The following ASIC2 variants were observed in gnomAD, a reference collection of about 807,000 sequenced individuals.
ASIC2 encodes the protein acid sensing ion channel subunit 2, also known as acid-sensing ion channel 2.
A neutral mutation model predicts 57.3 loss-of-function variants in ASIC2; 25 were observed. That is an observed-to-expected ratio of 0.44 (90% CI 0.32 to 0.61). The LOEUF is 0.61. Ranked by LOEUF, ASIC2 falls within the 20% of genes least tolerant of loss-of-function variation. The pLI is 0.06. For missense variants in ASIC2, 641 were observed against 738.1 expected, an observed-to-expected ratio of 0.87 and a Z score of 1.52; for synonymous variants, 319 against 307.5, an observed-to-expected ratio of 1.04 and a Z score of -0.39.
intron 9 of ASIC2, 84 bp downstream of exon 9, chr17:33,015,887 C>T: frequency 1.4e-6 from 2 of 1,470,446 alleles, no homozygotes; most frequent in South Asian, 1.2e-5. Flanking sequence ...TCACATCTTT[C>T]CTGCCCGGCC....
chr17:33,762,657 G>A (rs143515252), intron 1 of ASIC2, among the ~76,000 whole-genome samples: 13 of 152,328 alleles, frequency 8.5e-5, no homozygotes, highest in African/African-American at 1.2e-4. Flanking sequence ...GGCCATAGCC[G>A]TTGCACAGCA....
intron 1 of ASIC2, among the ~76,000 whole-genome samples, chr17:33,467,645 C>T (rs553385361): frequency 6.6e-6 from 1 of 152,274 alleles, no homozygotes; most frequent in East Asian, 1.9e-4. Flanking sequence ...CTCCACAACC[C>T]CTTATCTTAA....
intron 1 of ASIC2, among the ~76,000 whole-genome samples, chr17:33,260,343 G>C (rs564661830): frequency 6.6e-6 from 1 of 152,300 alleles, no homozygotes; most frequent in African/African-American, 2.4e-5. Context: ...ATGGCAACCA[G>C]ACGCATGCAG....
At position 33,976,149 on chromosome 17, in the gene ASIC2, G is replaced by GATC. The variant is rs572300509; in HGVS notation, c.555+179826_555+179828dup. 1.4e-3 allele frequency among the ~76,000 whole-genome samples: 206 copies of GATC among 148,592 alleles called. 1 individual carries two copies. The highest frequency in any genetic ancestry group is 3.8e-3 in the African/African-American group (155 of 40,338). On this transcript the variant is annotated intron_variant, in intron 1 of 9. Transcript: ENST00000359872. ...AATACCCCATTTACAGATGATCTTG[G>GATC]ATCATTTACAGATCCAAGATCATCT...
chr17:33,378,264 C>T (rs1004017734), intron 1 of ASIC2, among the ~76,000 whole-genome samples: 3 of 152,234 alleles, frequency 2.0e-5, no homozygotes, highest in African/African-American at 2.4e-5. Flanking sequence ...TCCTTCACTG[C>T]CTTCTCTGCT....
intron 3 of ASIC2, among the ~76,000 whole-genome samples, chr17:33,075,579 T>C (rs1367958666): frequency 6.6e-6 from 1 of 152,190 alleles, no homozygotes; most frequent in African/African-American, 2.4e-5. Flanking sequence ...GCTGTTTTGA[T>C]GCTTGACATC....
chr17:33,472,958 A>C (rs1250555137), intron 1 of ASIC2, among the ~76,000 whole-genome samples: 2 of 152,202 alleles, frequency 1.3e-5, no homozygotes, highest in African/African-American at 4.8e-5. Context: ...AAATGAGCTC[A>C]GTTTTCTCAG....
At chr17:33,366,337 G>A (rs750531528) in intron 1 of ASIC2, among the ~76,000 whole-genome samples, 26 of 152,116 alleles carry the variant, frequency 1.7e-4, no homozygotes, top group African/African-American at 5.6e-4. Context: ...CTTTCTCTCC[G>A]GTCTCATCTC....
chr17:33,951,531 GT>G (rs1372691337), intron 1 of ASIC2, among the ~76,000 whole-genome samples: 2 of 151,854 alleles, frequency 1.3e-5, no homozygotes, highest in African/African-American at 4.8e-5. Context: ...GACACTGTGG[GT>G]GCCTATACGC....
chr17:33,964,493 A>G (rs1905021612), intron 1 of ASIC2, among the ~76,000 whole-genome samples: 1 of 152,250 alleles, frequency 6.6e-6, no homozygotes, highest in Admixed American at 6.5e-5. Flanking sequence ...GGAAATAACC[A>G]AAAGCTTCAT....
At chr17:34,043,742 G>A (rs1908225266) in intron 1 of ASIC2, among the ~76,000 whole-genome samples, 1 of 152,126 alleles carries the variant, frequency 6.6e-6, no homozygotes, top group East Asian at 1.9e-4. Flanking sequence ...TCTTTTCATA[G>A]AGGGGAAAAC....
chr17:34,153,678 T>C (rs1174518895), intron 1 of ASIC2, among the ~76,000 whole-genome samples: 1 of 152,196 alleles, frequency 6.6e-6, no homozygotes, highest in Non-Finnish European at 1.5e-5. Context: ...CTTTTTCTGA[T>C]ACTCCCTGAA....
chr17:33,255,281 C>T (rs547559198), intron 1 of ASIC2, among the ~76,000 whole-genome samples: 36 of 152,024 alleles, frequency 2.4e-4, no homozygotes, highest in African/African-American at 8.7e-4. Context: ...CTCAAATGAT[C>T]CACTCACCTC....
intron 1 of ASIC2, among the ~76,000 whole-genome samples, chr17:33,384,533 T>A (rs575663293): frequency 5.9e-5 from 9 of 152,296 alleles, no homozygotes; most frequent in Non-Finnish European, 1.0e-4. Flanking sequence ...AAGTTATGTC[T>A]GTTTACCTGT....
chr17:34,066,866 G>A (rs1461582028), intron 1 of ASIC2, among the ~76,000 whole-genome samples: 1 of 152,154 alleles, frequency 6.6e-6, no homozygotes, highest in East Asian at 1.9e-4. Flanking sequence ...GACCACCCAG[G>A]AAACAACACA....
At chr17:33,988,809 A>G (rs1397751324) in intron 1 of ASIC2, among the ~76,000 whole-genome samples, 1 of 151,906 alleles carries the variant, frequency 6.6e-6, no homozygotes, top group Non-Finnish European at 1.5e-5. Context: ...TTATCCCCCT[A>G]TCCCTGGTGA....
chr17:33,202,638 T>G (rs899453210), intron 1 of ASIC2, among the ~76,000 whole-genome samples: 5 of 152,208 alleles, frequency 3.3e-5, no homozygotes, highest in Non-Finnish European at 5.9e-5. Flanking sequence ...ATTCTTCCAT[T>G]AACTTATAGA....
Position 33,603,050 on chromosome 17 carries a change from C to G in ASIC2, c.556-490983G>C, listed in dbSNP as rs191863934. Among the ~76,000 whole-genome samples the G allele has an allele frequency of 5.9e-5, 9 of 152,342 alleles. No homozygotes were observed. In the East Asian group the frequency reaches 9.7e-4, roughly 16 times the overall value. ...AAATCCCATGCCAGTCTTCCTAGCT[C>G]TGCATTTCCCCACCACCTCCAGAAG... On this transcript the variant is annotated intron_variant, in intron 1 of 9. Coordinates refer to the ASIC2 transcript ENST00000359872.
intron 2 of ASIC2, among the ~76,000 whole-genome samples, chr17:33,110,317 G>A (rs557030250): frequency 1.3e-5 from 2 of 152,288 alleles, no homozygotes; most frequent in South Asian, 2.1e-4. Context: ...AGGCCCCCAC[G>A]GTCCCAGGGC....
Sources: gnomAD v4.1 joint callset for allele counts (sites outside exome capture counted in the v4.1 genomes callset) on GRCh38, gnomAD v4.1.1 for gene constraint, MANE v1.5 for transcripts, NCBI Gene and HGNC (gene_info 2026-07-23, HGNC 2026-07-21) for gene names.